The following FOXN3 variants were observed in gnomAD, a reference collection of about 807,000 sequenced individuals.
FOXN3 encodes forkhead box protein N3.
In FOXN3, 7 loss-of-function variants were observed where a neutral mutation model predicts 38.4. The ratio of observed to expected loss-of-function variants is 0.18; its 90% CI spans 0.10 to 0.34. The LOEUF (loss-of-function observed/expected upper bound fraction) is 0.34. Ranked by LOEUF, FOXN3 falls within the 10% of genes least tolerant of loss-of-function variation. FOXN3 has a pLI of 1.00. For missense variants in FOXN3, 456 were observed against 613.4 expected (o/e 0.74, Z 2.71); for synonymous variants, 230 against 242.2 (o/e 0.95, Z 0.47).
At chr14:89,544,152 C>T (rs184284820) in intron 1 of FOXN3, among the ~76,000 whole-genome samples, 1 of 151,862 alleles carries the variant, frequency 6.6e-6, no homozygotes, top group Non-Finnish European at 1.5e-5. Context: ...CTGGAGTCTC[C>T]TGCCTCAGCA....
chr14:89,502,131 C>T (rs1893814214), intron 1 of FOXN3, among the ~76,000 whole-genome samples: 1 of 152,272 alleles, frequency 6.6e-6, no homozygotes, highest in East Asian at 1.9e-4. Flanking sequence ...TCCCACATTC[C>T]AGCCTGGGCG....
intron 4 of FOXN3, among the ~76,000 whole-genome samples, chr14:89,223,762 A>C (rs1407316035): frequency 6.6e-6 from 1 of 152,178 alleles, no homozygotes. Context: ...TCCTCATGGG[A>C]AGCAGGTCTT....
intron 3 of FOXN3, among the ~76,000 whole-genome samples, chr14:89,284,702 G>T (rs1365529069): frequency 6.6e-6 from 1 of 152,208 alleles, no homozygotes; most frequent in East Asian, 1.9e-4. Flanking sequence ...AAAATCCCAT[G>T]ACCTTCAGCA....
intron 3 of FOXN3, among the ~76,000 whole-genome samples, chr14:89,294,838 C>T (rs369794911): frequency 3.3e-5 from 5 of 152,318 alleles, no homozygotes; most frequent in East Asian, 1.9e-4. Context: ...AGCAGCCCTC[C>T]GGACTGCTCT....
intron 1 of FOXN3, among the ~76,000 whole-genome samples, chr14:89,536,465 T>C (rs1044927622): frequency 3.3e-5 from 5 of 152,136 alleles, no homozygotes; most frequent in Non-Finnish European, 7.4e-5. Flanking sequence ...GTCTTCTAGA[T>C]GTGAAAAGTG....
intron 2 of FOXN3, among the ~76,000 whole-genome samples, chr14:89,378,337 T>C (rs1269309078): frequency 6.6e-6 from 1 of 152,164 alleles, no homozygotes; most frequent in Admixed American, 6.5e-5. Context: ...CCAGACATGC[T>C]GGAATCACAG....
At chr14:89,468,954 AC>A (rs887557808) in intron 1 of FOXN3, among the ~76,000 whole-genome samples, 5 of 152,074 alleles carry the variant, frequency 3.3e-5, no homozygotes, top group Admixed American at 3.3e-4. Context: ...CTGCCCATAT[AC>A]CCTGACACAA....
chr14:89,491,966 G>A (rs1247329477), intron 1 of FOXN3, among the ~76,000 whole-genome samples: 1 of 152,120 alleles, frequency 6.6e-6, no homozygotes, highest in Admixed American at 6.5e-5. Context: ...GCATAGACGG[G>A]TGTTTTGTTT....
intron 1 of FOXN3, among the ~76,000 whole-genome samples, chr14:89,519,034 A>G (rs1894267540): frequency 1.3e-5 from 2 of 152,158 alleles, no homozygotes; most frequent in African/African-American, 4.8e-5. Flanking sequence ...AAAAAAGAGA[A>G]TAAGTTCTTC....
At chr14:89,222,847 T>C (rs1040838250) in intron 4 of FOXN3, among the ~76,000 whole-genome samples, 1 of 152,168 alleles carries the variant, frequency 6.6e-6, no homozygotes, top group African/African-American at 2.4e-5. Context: ...AAGGAAATAA[T>C]TGGGGGCAAA....
chr14:89,476,445 C>G (rs994195435), intron 1 of FOXN3, among the ~76,000 whole-genome samples: 1 of 152,212 alleles, frequency 6.6e-6, no homozygotes, highest in Non-Finnish European at 1.5e-5. Flanking sequence ...AATGCTCTCG[C>G]GTGTACTATG....
At chr14:89,571,812 T>C (rs17126067) in intron 1 of FOXN3, among the ~76,000 whole-genome samples, 5,923 of 152,254 alleles carry the variant, frequency 0.039, 372 homozygotes, top group African/African-American at 0.13. Context: ...AACACAATGA[T>C]GGTAGTTTGG....
At chr14:89,400,902 ACCC>A (rs1891227883) in intron 2 of FOXN3, among the ~76,000 whole-genome samples, 4 of 151,840 alleles carry the variant, frequency 2.6e-5, no homozygotes, top group African/African-American at 9.7e-5. Context: ...TACATTACCT[ACCC>A]TGTCCATGGA....
Position 89,162,246 on chromosome 14 carries a change from G to C in FOXN3, c.*168C>G, listed in dbSNP as rs1458785124. 5.3e-6 allele frequency: 3 copies of C among 563,878 alleles called. No individual in the cohort carries two copies. Among genetic ancestry groups the C allele is most frequent in the East Asian group, 3.1e-5 (1 of 32,164 alleles). The allele number at this position is 563,878 out of a possible 1,614,324, so 34.9% of individuals were successfully genotyped here. Reference sequence around the variant, plus strand: ...AAAATTCTTAAGGGTCCAAAACAAAGAAGAGGGGGCAAATTAAAACAAAAT... The same window carrying C: ...AAAATTCTTAAGGGTCCAAAACAAACAAGAGGGGGCAAATTAAAACAAAAT... On this transcript the variant is annotated 3_prime_UTR_variant, in exon 6 of 6. Transcript: ENST00000557258. This position sits in a 1 kb window ranked among gnomAD's most constrained non-coding sequence, Gnocchi z 7.2.
chr14:89,583,278 A>T (rs1895780906), intron 1 of FOXN3, among the ~76,000 whole-genome samples: 1 of 152,196 alleles, frequency 6.6e-6, no homozygotes, highest in African/African-American at 2.4e-5. Flanking sequence ...CCAATGCAGC[A>T]TTGTTGAGAG....
Position 89,166,516 on chromosome 14 carries a change from T to C in FOXN3, c.852-3547A>G, listed in dbSNP as rs566819670. Among the ~76,000 whole-genome samples, 3 of 152,250 alleles carry C rather than the reference T, an allele frequency of 2.0e-5. No homozygotes were observed. The East Asian group carries it at 5.8e-4, about 29-fold the overall frequency. The stretch of plus-strand genomic sequence containing the variant: ...CTCAGAGAGCCCCATGGTTGTTGAG[T>C]GGGGTGGCCCGGACAGTCTCAAAGA... On this transcript the variant is annotated intron_variant, in intron 5 of 5. Coordinates refer to ENST00000557258, the MANE Select transcript of FOXN3 (RefSeq NM_005197.4).
chr14:89,275,039 G>T (rs1886260328), intron 4 of FOXN3, among the ~76,000 whole-genome samples: 1 of 152,202 alleles, frequency 6.6e-6, no homozygotes, highest in Non-Finnish European at 1.5e-5. Flanking sequence ...TGTCCTATGT[G>T]CTTGACTAAT....
chr14:89,241,392 C>T (rs573474805), intron 4 of FOXN3, among the ~76,000 whole-genome samples: 225 of 152,268 alleles, frequency 1.5e-3, no homozygotes, highest in African/African-American at 5.2e-3. Context: ...AGGTGGCCAC[C>T]GTGAGCTTGT....
intron 1 of FOXN3, among the ~76,000 whole-genome samples, chr14:89,534,048 G>A (rs920332133): frequency 9.3e-5 from 14 of 150,288 alleles, no homozygotes; most frequent in East Asian, 5.8e-4. Context: ...CTAGAGATGT[G>A]CTTCCCCCCC....
Sources: allele counts gnomAD v4.1 joint callset (sites outside exome capture counted in the v4.1 genomes callset), GRCh38; gene constraint gnomAD v4.1.1; non-coding constraint Gnocchi (gnomAD v3.1); transcripts MANE v1.5; gene names NCBI Gene and HGNC (gene_info 2026-07-23, HGNC 2026-07-21).